Variants in CDK5RAP2 observed in about 807,000 individuals in gnomAD.
CDK5RAP2 encodes CDK5 regulatory subunit-associated protein 2.
CDK5RAP2 carries 147 observed loss-of-function variants against 232.9 expected under a neutral mutation model. That is an observed-to-expected ratio of 0.63 (90% confidence interval 0.55 to 0.72). CDK5RAP2 has a LOEUF of 0.72. Among genes scored for constraint, CDK5RAP2 ranks in the 30% least tolerant of loss-of-function variants. The pLI is 0.00. For missense variants in CDK5RAP2, 2,195 were observed against 2,231.5 expected (o/e 0.98, Z 0.33); for synonymous variants, 833 against 833.7 (o/e 1.00, Z 0.01).
At chr9:120,530,287 G>C in intron 7 of CDK5RAP2, 147 bp from the exon 8 acceptor site, 4 of 634,866 alleles carry the variant, frequency 6.3e-6, no homozygotes, top group Non-Finnish European at 1.1e-5. Context: ...GCAGGTAGGA[G>C]ATTAAGCGTC....
intron 13 of CDK5RAP2, among the ~76,000 whole-genome samples, chr9:120,490,311 G>A (rs1272065065): frequency 2.6e-5 from 4 of 152,160 alleles, no homozygotes; most frequent in African/African-American, 7.2e-5. Context: ...TCCTCTCTGA[G>A]GCATCTCACT....
In CDK5RAP2 at chr9:120,439,797, C is replaced by T; in HGVS notation, c.3324G>A (p.Glu1108=). 1 of 1,614,164 alleles carries T rather than the reference C, an allele frequency of 6.2e-7. No homozygotes were observed. Among genetic ancestry groups the T allele is most frequent in the Non-Finnish European group, 8.5e-7 (1 of 1,180,020 alleles). The change falls in exon 24 of 38, where the codon GAG becomes GAA. Residue 1108 remains glutamate (E), a synonymous_variant. Transcript: ENST00000349780. ...GGATTTTCTGTTTTAAGTATTCTGT[C>T]TCATTTGAGGTATTAATGCTCTCTG... ...DQSESINTSN[E]TEYLKQKIHD...
rs1048128538 is a variant in CDK5RAP2 at position 120,525,180 on chromosome 9, G to C, written c.1000-102C>G. On this transcript the variant is annotated intron_variant, in intron 10 of 37. Transcript: ENST00000349780. ...TCAATTGTGTCGTGCTTATAATCAA[G>C]GGCTTTGTAGTCAGAAGAGATTCGA... 3 of 891,632 alleles carry C rather than the reference G, an allele frequency of 3.4e-6. No individual in the cohort carries two copies. In the African/African-American group the frequency reaches 5.0e-5, roughly 15 times the overall value. The allele number at this position is 891,632 out of a possible 1,614,324, so 55.2% of individuals were successfully genotyped here.
chr9:120,420,809 A>C (rs2034521372), intron 26 of CDK5RAP2, among the ~76,000 whole-genome samples: 1 of 152,228 alleles, frequency 6.6e-6, no homozygotes, highest in African/African-American at 2.4e-5. Flanking sequence ...AGTGTGATGG[A>C]TGCACAGGCT....
rs979236969 is a variant in CDK5RAP2, at chr9:120,419,434, G to A, written c.4177+354C>T. On this transcript the variant is annotated intron_variant, in intron 27 of 37. Coordinates refer to ENST00000349780, the MANE Select transcript of CDK5RAP2 (RefSeq NM_018249.6). ...TACTCTTGGGCAACTCAAAGCAGAAGAGTCTCTGAAATGACCCTGCCTTAG... is the reference window on the plus strand; with the variant it reads ...TACTCTTGGGCAACTCAAAGCAGAAAAGTCTCTGAAATGACCCTGCCTTAG... 3.3e-5 allele frequency among the ~76,000 whole-genome samples: 5 copies of A among 152,274 alleles called. No individual in the cohort carries two copies. In the Middle Eastern group the frequency reaches 0.01, roughly 311 times the overall value.
intron 7 of CDK5RAP2, 80 bp from the exon 8 acceptor site, chr9:120,530,220 C>T (rs1287713828): frequency 3.9e-6 from 4 of 1,030,842 alleles, no homozygotes; most frequent in Non-Finnish European, 6.0e-6. Context: ...GGAAATGGGG[C>T]CAGATATCTT....
In CDK5RAP2 at chr9:120,496,971, C is replaced by T. The variant is rs1405568181; in HGVS notation, c.1312-5494G>A. Among the ~76,000 whole-genome samples the T allele has an allele frequency of 4.0e-4, 55 of 138,522 alleles. 6 individuals carry two copies. Among genetic ancestry groups the T allele is most frequent in the African/African-American group, 1.6e-3 (50 of 32,064 alleles). 90.9% of individuals were successfully genotyped at this position (138,522 alleles called of 152,430 possible). A position where few individuals can be genotyped will look rare whatever the true frequency, so the allele number is the denominator to read the frequency against. ...ATGGCGGCTTTGTGGAATGGAAAGG[C>T]GGGAAAGGTGGGGAAAAGATTGAGA... On this transcript the variant is annotated intron_variant, in intron 12 of 37. Transcript: ENST00000349780.
intron 7 of CDK5RAP2, among the ~76,000 whole-genome samples, chr9:120,530,476 T>C (rs887786529): frequency 7.2e-5 from 11 of 152,146 alleles, no homozygotes; most frequent in African/African-American, 2.7e-4. Flanking sequence ...CCAAAAGATA[T>C]GTCACTGAAA....
intron 22 of CDK5RAP2, among the ~76,000 whole-genome samples, chr9:120,446,218 T>G (rs1265849456): frequency 2.0e-5 from 3 of 151,788 alleles, no homozygotes; most frequent in Non-Finnish European, 1.5e-5. Flanking sequence ...AAACAGGAAG[T>G]GAACTGGATT....
At chr9:120,497,440 AAAAAAAAAAAAAAAG>A (rs1262684865) in intron 12 of CDK5RAP2, among the ~76,000 whole-genome samples, 13 of 145,004 alleles carry the variant, frequency 9.0e-5, no homozygotes, top group South Asian at 2.3e-4. Context: ...AAAAAAAAAA[AAAAAAAAAAAAAAAG>A]AATCATCAAT....
At chr9:120,465,126 A>G (rs1026027532) in intron 18 of CDK5RAP2, among the ~76,000 whole-genome samples, 1 of 152,206 alleles carries the variant, frequency 6.6e-6, no homozygotes, top group South Asian at 2.1e-4. Context: ...TAATGACAAT[A>G]TAAGTAAATA....
At chr9:120,391,087 G>T (rs1429044720) in intron 36 of CDK5RAP2, among the ~76,000 whole-genome samples, 1 of 152,020 alleles carries the variant, frequency 6.6e-6, no homozygotes, top group African/African-American at 2.4e-5. Context: ...TGCAAATGGG[G>T]GTATGTATCT....
intron 18 of CDK5RAP2, 102 bp from the exon 19 acceptor site, chr9:120,460,769 C>CA (rs748591600): frequency 2.0e-6 from 3 of 1,533,360 alleles, no homozygotes; most frequent in South Asian, 2.5e-5. Context: ...TAATGCAAAA[C>CA]AAAAAGCAAA....
intron 7 of CDK5RAP2, among the ~76,000 whole-genome samples, chr9:120,530,816 T>C (rs1376126288): frequency 3.0e-5 from 4 of 133,274 alleles, no homozygotes; most frequent in East Asian, 2.3e-4. Context: ...ATGAGAACAC[T>C]TGGACACAGG....
intron 12 of CDK5RAP2, among the ~76,000 whole-genome samples, chr9:120,493,112 A>G (rs778738839): frequency 4.6e-5 from 7 of 152,220 alleles, no homozygotes; most frequent in Non-Finnish European, 7.3e-5. Context: ...CTGAGGATGG[A>G]AAGGGGACTC....
chr9:120,430,360 C>T (rs1158381967), intron 25 of CDK5RAP2, among the ~76,000 whole-genome samples: 1 of 151,410 alleles, frequency 6.6e-6, no homozygotes, highest in Non-Finnish European at 1.5e-5. Context: ...GCAACCTACT[C>T]ATCTGACAAA....
chr9:120,476,369 A>G (rs2038009056), intron 15 of CDK5RAP2, among the ~76,000 whole-genome samples: 1 of 152,086 alleles, frequency 6.6e-6, no homozygotes, highest in Non-Finnish European at 1.5e-5. Flanking sequence ...CCCAGACATC[A>G]TATCCTTTCA....
intron 2 of CDK5RAP2, among the ~76,000 whole-genome samples, chr9:120,569,360 GT>G (rs1368107622): frequency 6.6e-6 from 1 of 152,228 alleles, no homozygotes; most frequent in African/African-American, 2.4e-5. Context: ...TGCATAATAT[GT>G]TAAAAGGTGA....
intron 3 of CDK5RAP2, among the ~76,000 whole-genome samples, chr9:120,558,086 A>T (rs1326443645): frequency 2.1e-5 from 3 of 142,308 alleles, no homozygotes; most frequent in Non-Finnish European, 4.6e-5. Context: ...TTTTTAAAAA[A>T]TTTTTAGGCT....
Sources: gnomAD v4.1 joint callset for allele counts (sites outside exome capture counted in the v4.1 genomes callset) on GRCh38, gnomAD v4.1.1 for gene constraint, MANE v1.5 for transcripts, NCBI Gene and HGNC (gene_info 2026-07-23, HGNC 2026-07-21) for gene names.